Variants in GRM7 observed in about 807,000 individuals in gnomAD.
The protein encoded by GRM7 is glutamate metabotropic receptor 7.
GRM7 carries 35 observed loss-of-function variants against 84.5 expected under a neutral mutation model. The ratio of observed to expected loss-of-function variants is 0.41; its 90% CI spans 0.32 to 0.55. The LOEUF is 0.55. Ranked by LOEUF, GRM7 falls within the 20% of genes least tolerant of loss-of-function variation. GRM7 has a pLI of 0.19. For synonymous variants in GRM7, 487 were observed against 455.1 expected, an observed-to-expected ratio of 1.07 and a Z score of -0.89; for missense variants, 1,003 against 1,194.6, an observed-to-expected ratio of 0.84 and a Z score of 2.36.
intron 1 of GRM7, among the ~76,000 whole-genome samples, chr3:7,031,430 A>ATTTG (rs1574811800): frequency 6.6e-6 from 1 of 150,870 alleles, no homozygotes; most frequent in East Asian, 1.9e-4. Flanking sequence ...TTATTTATTT[A>ATTTG]TTTTGAGATG....
intron 2 of GRM7, among the ~76,000 whole-genome samples, chr3:7,223,801 A>G (rs890686930): frequency 5.3e-5 from 8 of 152,212 alleles, no homozygotes; most frequent in African/African-American, 1.9e-4. Flanking sequence ...GATTTTCTAG[A>G]TGGAAAACTG....
intron 2 of GRM7, among the ~76,000 whole-genome samples, chr3:7,171,730 A>G (rs1694989950): frequency 1.3e-5 from 2 of 152,174 alleles, no homozygotes; most frequent in African/African-American, 4.8e-5. Flanking sequence ...CACGTGGGCC[A>G]TGAGACATAG....
intron 9 of GRM7, among the ~76,000 whole-genome samples, chr3:7,726,461 A>C (rs1702129696): frequency 6.6e-6 from 1 of 151,448 alleles, no homozygotes; most frequent in Non-Finnish European, 1.5e-5. Flanking sequence ...CATTTAATTC[A>C]ACTACCCTAA....
intron 1 of GRM7, among the ~76,000 whole-genome samples, chr3:7,063,435 G>A (rs959098398): frequency 2.0e-5 from 3 of 151,664 alleles, no homozygotes; most frequent in Admixed American, 6.6e-5. Context: ...AGCTGGACAT[G>A]CAGAAACAAC....
At chr3:7,062,852 C>T (rs551600077) in intron 1 of GRM7, among the ~76,000 whole-genome samples, 57 of 151,828 alleles carry the variant, frequency 3.8e-4, no homozygotes, top group African/African-American at 1.3e-3. Flanking sequence ...CTTAGCTGTG[C>T]CTGTTCATAG....
intron 4 of GRM7, among the ~76,000 whole-genome samples, chr3:7,342,752 C>G (rs933205646): frequency 6.6e-6 from 1 of 152,238 alleles, no homozygotes; most frequent in African/African-American, 2.4e-5. Context: ...GGACCAGGTA[C>G]CACACTTTGA....
intron 1 of GRM7, among the ~76,000 whole-genome samples, chr3:6,974,215 G>A (rs898698222): frequency 5.3e-5 from 8 of 152,126 alleles, no homozygotes; most frequent in South Asian, 2.1e-4. Context: ...GGAAAAAGCC[G>A]AAATGTGTAG....
intron 4 of GRM7, among the ~76,000 whole-genome samples, chr3:7,326,348 C>T (rs1700986928): frequency 6.6e-6 from 1 of 151,980 alleles, no homozygotes; most frequent in Admixed American, 6.6e-5. Context: ...AGGTGAGTTA[C>T]TTTTATGTTC....
intron 7 of GRM7, among the ~76,000 whole-genome samples, chr3:7,467,841 GT>G (rs1698525494): frequency 6.6e-6 from 1 of 151,880 alleles, no homozygotes; most frequent in Non-Finnish European, 1.5e-5. Context: ...TTTTGTTTTA[GT>G]GTGCCCAGGA....
At chr3:7,439,666 A>G (rs779003685) in intron 5 of GRM7, among the ~76,000 whole-genome samples, 25 of 152,148 alleles carry the variant, frequency 1.6e-4, no homozygotes, top group Non-Finnish European at 3.1e-4. Context: ...AACAAATTAG[A>G]GAATGCAAGT....
chr3:6,976,037 T>C (rs1222232990), intron 1 of GRM7, among the ~76,000 whole-genome samples: 4 of 152,250 alleles, frequency 2.6e-5, no homozygotes, highest in Admixed American at 6.5e-5. Flanking sequence ...TTCTAGTGCC[T>C]CTGAAAAAGT....
chr3:7,621,278 G>T (rs1483263988), intron 8 of GRM7, among the ~76,000 whole-genome samples: 1 of 152,112 alleles, frequency 6.6e-6, no homozygotes, highest in African/African-American at 2.4e-5. Context: ...GCTGTGGAGA[G>T]TCGAGAATTT....
At position 7,406,217 on chromosome 3, in the gene GRM7, T is replaced by A. The variant is rs1452730225; in HGVS notation, c.1034-8806T>A. Among the ~76,000 whole-genome samples, 4 of 152,012 alleles carry A rather than the reference T, an allele frequency of 2.6e-5. No individual in the cohort carries two copies. In the East Asian group the frequency reaches 7.7e-4, roughly 29 times the overall value. On this transcript the variant is annotated intron_variant, in intron 4 of 9. Coordinates refer to ENST00000357716, the MANE Select transcript of GRM7 (RefSeq NM_000844.4). ...TAATAACTACTTTTAAAAGAATCTA[T>A]CGGCCGGGCGTGGTGGCTCATGCCT...
At position 7,283,752 on chromosome 3, in the gene GRM7, G is replaced by T. The variant is rs532906083; in HGVS notation, c.737-14932G>T. 7.6e-4 allele frequency among the ~76,000 whole-genome samples: 115 copies of T among 152,228 alleles called. 1 individual carries two copies. In the South Asian group the frequency reaches 0.023, roughly 30 times the overall value. On this transcript the variant is annotated intron_variant, in intron 2 of 9. Transcript: ENST00000357716. ...CCAAATCATTGAAAAATTCTTTGAAGTTCTACACATGGACTTTACGGGCAG... is the reference window on the plus strand; with the variant it reads ...CCAAATCATTGAAAAATTCTTTGAATTTCTACACATGGACTTTACGGGCAG...
chr3:7,401,395 C>CAAGGCA (rs1695443205), intron 4 of GRM7, among the ~76,000 whole-genome samples: 3 of 152,154 alleles, frequency 2.0e-5, no homozygotes, highest in Admixed American at 2.0e-4. Flanking sequence ...ACATCATGTC[C>CAAGGCA]AAGGCAAGAC....
chr3:6,884,045 T>C (rs766197993), intron 1 of GRM7, among the ~76,000 whole-genome samples: 1 of 152,242 alleles, frequency 6.6e-6, no homozygotes. Context: ...AGATGACATT[T>C]AGTCCTCTAA....
intron 1 of GRM7, among the ~76,000 whole-genome samples, chr3:6,979,169 G>A (rs139360288): frequency 1.3e-5 from 2 of 152,118 alleles, no homozygotes; most frequent in Non-Finnish European, 2.9e-5. Flanking sequence ...AGATTTTCTA[G>A]CTTCCACGAA....
chr3:7,621,795 G>T (rs1384805463), intron 8 of GRM7, among the ~76,000 whole-genome samples: 2 of 152,076 alleles, frequency 1.3e-5, no homozygotes, highest in Non-Finnish European at 2.9e-5. Flanking sequence ...GAAAATAGGA[G>T]TTTATAATGG....
In GRM7 at chr3:6,861,740, C is replaced by T; in HGVS notation, c.352C>T (p.Gln118Ter). 1 of 1,614,222 alleles carries T rather than the reference C, an allele frequency of 6.2e-7. No individual in the cohort carries two copies. Among genetic ancestry groups the T allele is most frequent in the Non-Finnish European group, 8.5e-7 (1 of 1,180,046 alleles). Residue 118 changes from glutamine to a stop codon, truncating the protein, a stop_gained, in exon 1 of 10, where the codon CAG (glutamine) becomes TAG (stop). Transcript: ENST00000357716. LOFTEE classifies it high-confidence loss of function. This position sits in a 1 kb window ranked among gnomAD's most constrained non-coding sequence, Gnocchi z 6.4. ...TTCCAGGGACACTTACGCGCTCGAA[C>T]AGTCGCTTACTTTCGTCCAGGCGCT... ...TCSRDTYALEQSLTFVQALIQ... is the reference protein window; with the variant it reads ...TCSRDTYALE
Sources: allele counts gnomAD v4.1 joint callset (sites outside exome capture counted in the v4.1 genomes callset), GRCh38; gene constraint gnomAD v4.1.1; non-coding constraint Gnocchi (gnomAD v3.1); transcripts MANE v1.5; gene names NCBI Gene and HGNC (gene_info 2026-07-23, HGNC 2026-07-21).